Variants in THRB observed in about 807,000 individuals in gnomAD.
The protein encoded by THRB is nuclear receptor subfamily 1 group A member 2.
THRB carries 12 observed loss-of-function variants against 47.8 expected under a neutral mutation model. That is an observed-to-expected ratio of 0.25 (90% CI 0.16 to 0.41). The LOEUF (loss-of-function observed/expected upper bound fraction) is 0.41, where lower values mean the gene tolerates loss of function less well. Ranked by LOEUF, THRB falls within the 10% of genes least tolerant of loss-of-function variation. The pLI is 1.00. For missense variants in THRB, 348 were observed against 589.2 expected, an observed-to-expected ratio of 0.59 and a Z score of 4.24; for synonymous variants, 218 against 212.2, an observed-to-expected ratio of 1.03 and a Z score of -0.24.
intron 2 of THRB, among the ~76,000 whole-genome samples, chr3:24,331,095 T>C (rs567925847): frequency 1.1e-4 from 16 of 152,202 alleles, no homozygotes; most frequent in African/African-American, 3.4e-4. Flanking sequence ...GTCAACACCA[T>C]AGATGAGTCT....
intron 3 of THRB, among the ~76,000 whole-genome samples, chr3:24,280,839 G>A (rs1345625274): frequency 4.0e-4 from 61 of 152,234 alleles, no homozygotes; most frequent in African/African-American, 9.1e-4. Context: ...GGGTATCAGT[G>A]ATGGAAGATG....
chr3:24,448,319 T>TA (rs1560210387), intron 1 of THRB, among the ~76,000 whole-genome samples: 1 of 152,172 alleles, frequency 6.6e-6, no homozygotes, highest in East Asian at 1.9e-4. Flanking sequence ...ATGCTATTTT[T>TA]AAAAAATCTT....
intron 3 of THRB, among the ~76,000 whole-genome samples, chr3:24,288,835 TA>T (rs1224878703): frequency 1.7e-4 from 26 of 152,180 alleles, no homozygotes; most frequent in African/African-American, 5.5e-4. Context: ...TCTTAAGAGT[TA>T]GGATTGTTTT....
intron 1 of THRB, among the ~76,000 whole-genome samples, chr3:24,402,499 C>CTTTTT (rs60751951): frequency 3.7e-5 from 5 of 134,812 alleles, no homozygotes; most frequent in East Asian, 2.1e-4. Flanking sequence ...TTCTTTCTTC[C>CTTTTT]TTTTTTTTTT....
At chr3:24,439,110 GT>G (rs768490487) in intron 1 of THRB, among the ~76,000 whole-genome samples, 1 of 152,168 alleles carries the variant, frequency 6.6e-6, no homozygotes, top group Non-Finnish European at 1.5e-5. Context: ...TCAGCATCAG[GT>G]GGTAACTGGT....
Position 24,382,038 on chromosome 3 carries a change from C to T in THRB, c.-260-44667G>A, listed in dbSNP as rs886907356. Among the ~76,000 whole-genome samples, 4 of 151,410 alleles carry T rather than the reference C, an allele frequency of 2.6e-5. No homozygotes were observed. In the South Asian group the frequency reaches 8.4e-4, roughly 32 times the overall value. ...TCAAGCAAATACTGATAAAAAAATA[C>T]CTTCTAGAAAAAAAAACCAGTGGAG... On this transcript the variant is annotated intron_variant, in intron 1 of 10. Transcript: ENST00000646209.
rs1328563617 is a variant in THRB at position 24,119,007 on chromosome 3, T to A, written c.*3877A>T. On this transcript the variant is annotated 3_prime_UTR_variant, in exon 11 of 11. Transcript: ENST00000646209. The stretch of plus-strand genomic sequence containing the variant: ...TTTTTTTTTTTTTTTTTTTTTTGAG[T>A]GTGTTTTTAATGCATTTTTTTTAAA... 7.7e-6 allele frequency: 1 copy of A among 130,114 alleles called. No individual in the cohort carries two copies. The highest frequency in any genetic ancestry group is 1.7e-5 in the Non-Finnish European group (1 of 59,210). 8.1% of individuals were successfully genotyped at this position (130,114 alleles called of 1,614,324 possible).
chr3:24,440,286 T>C (rs1331708862), intron 1 of THRB, among the ~76,000 whole-genome samples: 1 of 152,158 alleles, frequency 6.6e-6, no homozygotes, highest in African/African-American at 2.4e-5. Context: ...TTCATGTCAA[T>C]CATAATGTTG....
intron 3 of THRB, among the ~76,000 whole-genome samples, chr3:24,247,690 A>C (rs1255511059): frequency 6.6e-6 from 1 of 152,170 alleles, no homozygotes; most frequent in African/African-American, 2.4e-5. Context: ...CTCAGATGTT[A>C]AATGTCTAAA....
At chr3:24,245,153 C>T (rs1193006801) in intron 3 of THRB, among the ~76,000 whole-genome samples, 1 of 152,194 alleles carries the variant, frequency 6.6e-6, no homozygotes, top group East Asian at 1.9e-4. Context: ...GACACAGTCA[C>T]TATGCCATTA....
chr3:24,144,553 T>G (rs945539374), intron 7 of THRB: 51 of 152,346 alleles, frequency 3.3e-4, no homozygotes, highest in African/African-American at 1.2e-3. Flanking sequence ...TTCTATCATT[T>G]GGGTGAAAGG....
chr3:24,342,386 G>A lies in THRB; in HGVS notation c.-260-5015C>T, dbSNP rs76035894. ...TCCAGCAGGAAACCCCTAAGCTATC[G>A]AGATGAGAATGGAGGTGTTGATATT... On this transcript the variant is annotated intron_variant, in intron 1 of 10. Coordinates refer to ENST00000646209, the MANE Select transcript of THRB (RefSeq NM_001354712.2). Among the ~76,000 whole-genome samples, 47 of 152,220 alleles carry A rather than the reference G, an allele frequency of 3.1e-4. No individual in the cohort carries two copies. In the East Asian group the frequency reaches 5.3e-3, roughly 17 times the overall value.
At chr3:24,290,164 A>C (rs1214082778) in intron 3 of THRB, among the ~76,000 whole-genome samples, 1 of 152,234 alleles carries the variant, frequency 6.6e-6, no homozygotes, top group African/African-American at 2.4e-5. Flanking sequence ...GAAAAACCTC[A>C]AAACACTAGC....
chr3:24,287,871 A>G lies in THRB; in HGVS notation c.-43+9355T>C, dbSNP rs942114293. On this transcript the variant is annotated intron_variant, in intron 3 of 10. Coordinates refer to ENST00000646209, the MANE Select transcript of THRB (RefSeq NM_001354712.2). Reference sequence around the variant, plus strand: ...TTTGGCATGAACTTTAAAAGGAAACACCAGTAGCCAAAGGCCAAGAAGAGA... The same window carrying G: ...TTTGGCATGAACTTTAAAAGGAAACGCCAGTAGCCAAAGGCCAAGAAGAGA... Among the ~76,000 whole-genome samples the G allele has an allele frequency of 1.3e-4, 20 of 152,322 alleles. No individual in the cohort carries two copies. The East Asian group carries it at 3.9e-3, about 29-fold the overall frequency.
intron 2 of THRB, among the ~76,000 whole-genome samples, chr3:24,320,357 G>A (rs528295887): frequency 6.6e-6 from 1 of 152,160 alleles, no homozygotes; most frequent in South Asian, 2.1e-4. Flanking sequence ...GGATTATCAC[G>A]TGAGGAGCTG....
intron 2 of THRB, among the ~76,000 whole-genome samples, chr3:24,300,699 C>G (rs536681888): frequency 2.6e-5 from 4 of 152,134 alleles, no homozygotes; most frequent in Non-Finnish European, 5.9e-5. Context: ...TGGATATTAT[C>G]GCTCCTTTGA....
At chr3:24,461,573 A>C (rs1425219738) in intron 1 of THRB, among the ~76,000 whole-genome samples, 1 of 152,220 alleles carries the variant, frequency 6.6e-6, no homozygotes, top group Non-Finnish European at 1.5e-5. Context: ...CTTAATGATT[A>C]ATCCATCGTT....
intron 1 of THRB, among the ~76,000 whole-genome samples, chr3:24,468,733 G>C (rs2074337530): frequency 6.6e-6 from 1 of 152,122 alleles, no homozygotes; most frequent in African/African-American, 2.4e-5. Flanking sequence ...ACTGATCATG[G>C]ATCACCATAA....
At chr3:24,245,326 C>A (rs187728561) in intron 3 of THRB, among the ~76,000 whole-genome samples, 1 of 152,286 alleles carries the variant, frequency 6.6e-6, no homozygotes, top group East Asian at 1.9e-4. Context: ...TGCATCCCAC[C>A]TGCAAGGTGC....
Sources: allele counts gnomAD v4.1 joint callset (sites outside exome capture counted in the v4.1 genomes callset), GRCh38; gene constraint gnomAD v4.1.1; transcripts MANE v1.5; gene names NCBI Gene and HGNC (gene_info 2026-07-23, HGNC 2026-07-21).